The following CDK19 variants were observed in gnomAD, a reference collection of about 807,000 sequenced individuals.
CDK19 encodes cyclin-dependent kinase 19.
Under a neutral mutation model 68.3 loss-of-function variants are expected in CDK19, and 20 were observed. The ratio of observed to expected loss-of-function variants is 0.29; its 90% CI spans 0.21 to 0.43. The LOEUF is 0.43. CDK19 is among the 20% of genes least tolerant of loss of function. The pLI is 1.00. For synonymous variants in CDK19, 221 were observed against 222.8 expected, an observed-to-expected ratio of 0.99 and a Z score of 0.07; for missense variants, 339 against 623.5, an observed-to-expected ratio of 0.54 and a Z score of 4.86.
intron 2 of CDK19, among the ~76,000 whole-genome samples, chr6:110,693,274 G>C (rs914634129): frequency 6.6e-6 from 1 of 152,244 alleles, no homozygotes; most frequent in African/African-American, 2.4e-5. Flanking sequence ...AAGTGTGAGA[G>C]AGGGAAAAGT....
intron 8 of CDK19, among the ~76,000 whole-genome samples, chr6:110,623,789 TATATACACACAC>T (rs1562129820): frequency 1.4e-5 from 2 of 146,202 alleles, no homozygotes; most frequent in East Asian, 2.0e-4. Flanking sequence ...TATATACACA[TATATACACACAC>T]ATATACACAT....
At chr6:110,711,222 T>C (rs1774915276) in intron 2 of CDK19, among the ~76,000 whole-genome samples, 1 of 152,216 alleles carries the variant, frequency 6.6e-6, no homozygotes, top group South Asian at 2.1e-4. Context: ...ATTTCTTTGT[T>C]AAGAATGGTT....
At chr6:110,777,641 G>C (rs1199268770) in intron 1 of CDK19, among the ~76,000 whole-genome samples, 7 of 152,048 alleles carry the variant, frequency 4.6e-5, no homozygotes, top group Admixed American at 4.6e-4. Context: ...TCCACTTCTG[G>C]GTATGGAGTC....
intron 1 of CDK19, among the ~76,000 whole-genome samples, chr6:110,807,572 G>T (rs910938491): frequency 2.6e-5 from 4 of 152,060 alleles, no homozygotes; most frequent in Admixed American, 2.6e-4. Context: ...CAATTATTGT[G>T]CCTTAGCCTC....
chr6:110,757,429 C>G (rs187008207), intron 1 of CDK19, among the ~76,000 whole-genome samples: 1 of 152,206 alleles, frequency 6.6e-6, no homozygotes, highest in East Asian at 1.9e-4. Context: ...ATATAACAAT[C>G]AAATACTATG....
chr6:110,680,489 T>C (rs1771911451), intron 2 of CDK19, among the ~76,000 whole-genome samples: 1 of 152,188 alleles, frequency 6.6e-6, no homozygotes, highest in Admixed American at 6.5e-5. Context: ...GTGTATTCAC[T>C]ACCTCTGTTT....
Position 110,749,939 on chromosome 6 carries a change from T to C in CDK19, c.129-3738A>G, listed in dbSNP as rs1368090922. Among the ~76,000 whole-genome samples, 4 of 143,186 alleles carry C rather than the reference T, an allele frequency of 2.8e-5. 1 individual carries two copies. The highest frequency in any genetic ancestry group is 1.0e-4 in the African/African-American group (4 of 39,124). The allele number at this position is 143,186 out of a possible 152,430, so 93.9% of individuals were successfully genotyped here. ...GGTGCCCGCCACCACACCCAGATAA[T>C]TTTTGTATTTTTAGTAGAGATGGGG... On this transcript the variant is annotated intron_variant, in intron 1 of 12. Coordinates refer to ENST00000368911, the MANE Select transcript of CDK19 (RefSeq NM_015076.5).
Position 110,815,458 on chromosome 6 carries a change from A to T in CDK19, c.-322T>A. On this transcript the variant is annotated 5_prime_UTR_variant, in exon 1 of 13. Transcript: ENST00000368911. ...GCGCCGTGGCTTCCTCGAGCTCATT[A>T]GCGAACTCACTGGCCCGCCCCATGG... 4.6e-6 allele frequency: 1 copy of T among 219,574 alleles called. No homozygotes were observed. The highest frequency in any genetic ancestry group is 8.9e-6 in the Non-Finnish European group (1 of 112,898). The allele number at this position is 219,574 out of a possible 1,614,324, so 13.6% of individuals were successfully genotyped here. A position where few individuals can be genotyped will look rare whatever the true frequency, so the allele number is the denominator to read the frequency against.
chr6:110,704,107 A>T (rs1384381953), intron 2 of CDK19, among the ~76,000 whole-genome samples: 1 of 152,222 alleles, frequency 6.6e-6, no homozygotes, highest in African/African-American at 2.4e-5. Flanking sequence ...GTGTCAAAGG[A>T]TGTGTTTGTT....
intron 3 of CDK19, among the ~76,000 whole-genome samples, chr6:110,668,590 T>C (rs1285894248): frequency 6.6e-6 from 1 of 152,118 alleles, no homozygotes; most frequent in Non-Finnish European, 1.5e-5. Context: ...CCCAGCACTT[T>C]GGGAGGCCGA....
chr6:110,738,336 C>T (rs1777403761), intron 2 of CDK19, among the ~76,000 whole-genome samples: 2 of 150,650 alleles, frequency 1.3e-5, no homozygotes, highest in African/African-American at 4.9e-5. Context: ...ACGGTGAAAC[C>T]CCATCTCTGC....
At chr6:110,620,594 A>G (rs1482760798) in intron 12 of CDK19, among the ~76,000 whole-genome samples, 3 of 152,150 alleles carry the variant, frequency 2.0e-5, no homozygotes, top group African/African-American at 4.8e-5. Context: ...TTTTATCTGA[A>G]TAACAAAAAG....
At chr6:110,722,231 A>T (rs1414866450) in intron 2 of CDK19, 1 of 152,166 alleles carries the variant, frequency 6.6e-6, no homozygotes, top group African/African-American at 2.4e-5. Flanking sequence ...TGGAGTTTTT[A>T]AATTTTTATT....
chr6:110,666,451 AAAAT>A, intron 4 of CDK19, among the ~76,000 whole-genome samples: 2 of 147,930 alleles, frequency 1.4e-5, no homozygotes, highest in African/African-American at 5.0e-5. Flanking sequence ...AAAAAAAAAA[AAAAT>A]TATAAGGAGA....
At chr6:110,722,879 A>T (rs909065621) in intron 2 of CDK19, among the ~76,000 whole-genome samples, 1 of 151,944 alleles carries the variant, frequency 6.6e-6, no homozygotes, top group Non-Finnish European at 1.5e-5. Flanking sequence ...AAAAAAAAGG[A>T]TTCCTGATCT....
intron 1 of CDK19, 96 bp from the exon 2 acceptor site, chr6:110,746,297 T>C (rs967691292): frequency 1.2e-5 from 8 of 677,842 alleles, no homozygotes; most frequent in Non-Finnish European, 2.0e-5. Flanking sequence ...AATTTCTCAG[T>C]GATATGTAAA....
At chr6:110,651,422 T>C (rs1444958582) in intron 4 of CDK19, among the ~76,000 whole-genome samples, 1 of 152,148 alleles carries the variant, frequency 6.6e-6, no homozygotes, top group East Asian at 1.9e-4. Flanking sequence ...ATTAGAGAAA[T>C]GGCATTTTAA....
At chr6:110,767,907 A>AT (rs997000119) in intron 1 of CDK19, among the ~76,000 whole-genome samples, 1 of 152,180 alleles carries the variant, frequency 6.6e-6, no homozygotes, top group African/African-American at 2.4e-5. Flanking sequence ...AATACAAGCC[A>AT]TTGACTGGGA....
At position 110,610,395 on chromosome 6, in the gene CDK19, T is replaced by G. The variant is rs1777959467; in HGVS notation, c.*4140A>C. 1 of 152,610 alleles carries G rather than the reference T, an allele frequency of 6.6e-6. No homozygotes were observed. Among genetic ancestry groups the G allele is most frequent in the Non-Finnish European group, 1.5e-5 (1 of 68,028 alleles). The allele number at this position is 152,610 out of a possible 1,614,324, so 9.5% of individuals were successfully genotyped here. ...CTTCAGTCCAGATTTTGTGTAATAC[T>G]TTTAGTGTCTACACAGACAAATCTT... On this transcript the variant is annotated 3_prime_UTR_variant, in exon 13 of 13. Transcript: ENST00000368911.
Sources: gnomAD v4.1 joint callset for allele counts (sites outside exome capture counted in the v4.1 genomes callset) on GRCh38, gnomAD v4.1.1 for gene constraint, MANE v1.5 for transcripts, NCBI Gene and HGNC (gene_info 2026-07-23, HGNC 2026-07-21) for gene names.